BCL9: variants seen among roughly 807,000 people sequenced by gnomAD.
BCL9 encodes the protein BCL9 transcription coactivator.
BCL9 carries 25 observed loss-of-function variants against 88.5 expected under a neutral mutation model. The ratio of observed to expected loss-of-function variants is 0.28; its 90% CI spans 0.21 to 0.39. The LOEUF (loss-of-function observed/expected upper bound fraction) is 0.39, where lower values mean the gene tolerates loss of function less well. Among genes scored for constraint, BCL9 ranks in the 10% least tolerant of loss-of-function variants. The probability of loss-of-function intolerance (pLI) is 1.00; values close to 1 mark genes in which losing one functional copy is unlikely to be tolerated. For missense variants in BCL9, 1,817 were observed against 1,877.8 expected, an observed-to-expected ratio of 0.97 and a Z score of 0.60; for synonymous variants, 711 against 673.3, an observed-to-expected ratio of 1.06 and a Z score of -0.87.
chr1:147,561,007 T>C (rs1381496193), intron 1 of BCL9, among the ~76,000 whole-genome samples: 1 of 152,214 alleles, frequency 6.6e-6, no homozygotes, highest in African/African-American at 2.4e-5. Context: ...TACGCCCATT[T>C]TCTACATAAA....
intron 1 of BCL9, among the ~76,000 whole-genome samples, chr1:147,586,801 G>A (rs1656623238): frequency 6.6e-6 from 1 of 152,134 alleles, no homozygotes; most frequent in African/African-American, 2.4e-5. Context: ...TTAAGGCCCA[G>A]CTCAAATATC....
chr1:147,619,703 T>C lies in BCL9; in HGVS notation c.1548T>C (p.Pro516=), dbSNP rs587773311. The C allele has an allele frequency of 3.7e-5, 59 of 1,613,560 alleles. No individual in the cohort carries two copies. In the African/African-American group the frequency reaches 7.1e-4, roughly 19 times the overall value. ...GPRGVVRGPP[P]PYQMTPSEGW... The stretch of plus-strand genomic sequence containing the variant: ...GGGGAGTGGTCCGAGGACCCCCCCC[T>C]CCATACCAGATGACCCCTAGTGAAG... The change falls in exon 8 of 10, where the codon CCT becomes CCC. Residue 516 remains proline, a synonymous_variant. Coordinates refer to ENST00000234739, the MANE Select transcript of BCL9 (RefSeq NM_004326.4). This position sits in a 1 kb window ranked among gnomAD's most constrained non-coding sequence, Gnocchi z 4.1.
At chr1:147,599,219 G>C (rs1456176904) in intron 1 of BCL9, among the ~76,000 whole-genome samples, 1 of 152,248 alleles carries the variant, frequency 6.6e-6, no homozygotes, top group Admixed American at 6.5e-5. Context: ...GAGGGCGGAG[G>C]AGAGCGCAGT....
At chr1:147,562,156 C>T (rs1386082656) in intron 1 of BCL9, among the ~76,000 whole-genome samples, 1 of 152,118 alleles carries the variant, frequency 6.6e-6, no homozygotes, top group African/African-American at 2.4e-5. Flanking sequence ...TGGAGAAACC[C>T]TGTCTCTACT....
At position 147,620,644 on chromosome 1, in the gene BCL9, G is replaced by A. The variant is rs1658577101; in HGVS notation, c.2489G>A (p.Ser830Asn). 1 of 1,613,996 alleles carries A rather than the reference G, an allele frequency of 6.2e-7. No homozygotes were observed. Among genetic ancestry groups the A allele is most frequent in the African/African-American group, 1.3e-5 (1 of 74,888 alleles). The change falls in exon 8 of 10, where the codon AGC becomes AAC. Residue 830 changes from serine to asparagine, a missense_variant. Physicochemically the swap from Ser to Asn is conservative, Grantham distance 46. Coordinates refer to ENST00000234739, the MANE Select transcript of BCL9 (RefSeq NM_004326.4). ...CTCAACCCTTCCAGTAACCCCACCAGCCTCAACACAGCTCCTCCAGTTCAG... is the reference window on the plus strand; with the variant it reads ...CTCAACCCTTCCAGTAACCCCACCAACCTCAACACAGCTCCTCCAGTTCAG... ...LPLNPSSNPT[S>N]LNTAPPVQRG...
At chr1:147,603,798 C>T (rs758740962) in intron 1 of BCL9, among the ~76,000 whole-genome samples, 10 of 152,034 alleles carry the variant, frequency 6.6e-5, no homozygotes, top group African/African-American at 1.9e-4. Context: ...CTTGAGCCAC[C>T]GTGCCCGGCC....
At chr1:147,554,518 T>C (rs1655020999) in intron 1 of BCL9, among the ~76,000 whole-genome samples, 1 of 152,234 alleles carries the variant, frequency 6.6e-6, no homozygotes, top group African/African-American at 2.4e-5. Flanking sequence ...ATCCTCATTT[T>C]AGCTATTAGT....
chr1:147,615,588 G>T (rs1658236049), intron 6 of BCL9, among the ~76,000 whole-genome samples: 1 of 152,172 alleles, frequency 6.6e-6, no homozygotes, highest in African/African-American at 2.4e-5. Context: ...TTTGGGATTT[G>T]CTAATGGCTG....
At chr1:147,601,406 GGTATTGGA>G (rs1553201269) in intron 1 of BCL9, among the ~76,000 whole-genome samples, 1 of 152,184 alleles carries the variant, frequency 6.6e-6, no homozygotes, top group African/African-American at 2.4e-5. Flanking sequence ...GTCAATGATG[GGTATTGGA>G]GTATTAGTTA....
chr1:147,608,629 C>T (rs1474591530), intron 3 of BCL9, among the ~76,000 whole-genome samples: 1 of 151,998 alleles, frequency 6.6e-6, no homozygotes, highest in African/African-American at 2.4e-5. Context: ...TGGGCAAGTC[C>T]AGGTATTGGG....
chr1:147,604,532 C>T (rs1204221312), intron 1 of BCL9, among the ~76,000 whole-genome samples: 1 of 152,138 alleles, frequency 6.6e-6, no homozygotes, highest in African/African-American at 2.4e-5. Context: ...TTCTAAACTC[C>T]CAGTCATCCA....
chr1:147,595,137 A>G (rs1471374062), intron 1 of BCL9, among the ~76,000 whole-genome samples: 1 of 152,240 alleles, frequency 6.6e-6, no homozygotes, highest in Admixed American at 6.5e-5. Context: ...AAGTAAAGAT[A>G]TTCAGCATCA....
At chr1:147,615,227 A>G (rs1472089102) in intron 6 of BCL9, among the ~76,000 whole-genome samples, 2 of 152,204 alleles carry the variant, frequency 1.3e-5, no homozygotes, top group Non-Finnish European at 2.9e-5. Context: ...AAACAACACA[A>G]GTAACAAATG....
chr1:147,560,396 C>T (rs587616528), intron 1 of BCL9, among the ~76,000 whole-genome samples: 21 of 151,490 alleles, frequency 1.4e-4, no homozygotes, highest in South Asian at 8.4e-4. Context: ...TCTAGACCAG[C>T]CTGGCCAACA....
At chr1:147,594,726 C>T (rs907628079) in intron 1 of BCL9, among the ~76,000 whole-genome samples, 3 of 152,074 alleles carry the variant, frequency 2.0e-5, no homozygotes, top group Non-Finnish European at 2.9e-5. Flanking sequence ...TTGGAATTAA[C>T]AACTAAAAAG....
At position 147,589,708 on chromosome 1, in the gene BCL9, GACC is replaced by G. The variant is rs587745764; in HGVS notation, c.-477-15066_-477-15064del. Among the ~76,000 whole-genome samples the G allele has an allele frequency of 2.6e-3, 401 of 152,318 alleles. 2 individuals are homozygous for G. Among genetic ancestry groups the G allele is most frequent in the African/African-American group, 9.3e-3 (387 of 41,554 alleles). The stretch of plus-strand genomic sequence containing the variant: ...TGAATAATATTTCATTGTAGGGATA[GACC>G]ACGTTTTATTTAACCATTCTTCAGT... On this transcript the variant is annotated intron_variant, in intron 1 of 9. Transcript: ENST00000234739.
At chr1:147,615,977 A>T in intron 7 of BCL9, 75 bp downstream of exon 7, 1 of 1,394,284 alleles carries the variant, frequency 7.2e-7, no homozygotes, top group Admixed American at 1.8e-5. Flanking sequence ...TGGTGAATTT[A>T]ATTGATAGGA....
chr1:147,612,430 C>A (rs1364147804), intron 4 of BCL9, among the ~76,000 whole-genome samples: 4 of 152,214 alleles, frequency 2.6e-5, no homozygotes, highest in African/African-American at 9.7e-5. Context: ...CTGACAGTCA[C>A]CAGCTCCCGT....
In BCL9 at chr1:147,620,744, G is replaced by A. The variant is rs1269014747; in HGVS notation, c.2589G>A (p.Leu863=). 6.2e-7 allele frequency: 1 copy of A among 1,613,972 alleles called. No homozygotes were observed. The highest frequency in any genetic ancestry group is 1.7e-5 in the Admixed American group (1 of 60,004). ...TGCATTCCCCAGGCATTAACCCTCT[G>A]AAGTCTCCCACGATGCACCAAGTCC... The part of the protein sequence containing the change: ...SQVHSPGINP[L]KSPTMHQVQS... Residue 863 remains leucine, a synonymous_variant, in exon 8 of 10, where the codon CTG becomes CTA. Coordinates refer to ENST00000234739, the MANE Select transcript of BCL9 (RefSeq NM_004326.4).
Sources: allele counts gnomAD v4.1 joint callset (sites outside exome capture counted in the v4.1 genomes callset), GRCh38; gene constraint gnomAD v4.1.1; non-coding constraint Gnocchi (gnomAD v3.1); transcripts MANE v1.5; gene names NCBI Gene and HGNC (gene_info 2026-07-23, HGNC 2026-07-21).